The following SH2D1B variants were observed in gnomAD, a reference collection of about 807,000 sequenced individuals.
The protein encoded by SH2D1B is SH2 domain-containing protein 1B.
SH2D1B carries 11 observed loss-of-function variants against 16.3 expected under a neutral mutation model. The ratio of observed to expected loss-of-function variants is 0.67; its 90% CI spans 0.42 to 1.11. SH2D1B has a LOEUF of 1.11. Ranked by LOEUF, SH2D1B falls within the 50% of genes most tolerant of loss-of-function variation. The pLI, the probability that SH2D1B is intolerant of heterozygous loss-of-function variation, is 0.00. For synonymous variants in SH2D1B, 55 were observed against 56.1 expected, an observed-to-expected ratio of 0.98 and a Z score of 0.09; for missense variants, 123 against 153.1, an observed-to-expected ratio of 0.80 and a Z score of 1.04.
chr1:162,398,192 T>A (rs1427127662), intron 3 of SH2D1B, among the ~76,000 whole-genome samples: 1 of 152,186 alleles, frequency 6.6e-6, no homozygotes, highest in Non-Finnish European at 1.5e-5. Context: ...CTAGGGAGGA[T>A]ATCTGATCTC....
intron 1 of SH2D1B, among the ~76,000 whole-genome samples, chr1:162,403,504 AAAAAAAAATATAT>A (rs1243734810): frequency 1.9e-4 from 6 of 31,786 alleles, no homozygotes; most frequent in African/African-American, 9.5e-5. Context: ...AAAAAAAAAA[AAAAAAAAATATAT>A]ATATATATAT....
Position 162,412,048 on chromosome 1 carries a change from T to C in SH2D1B, c.-32A>G, listed in dbSNP as rs1648810584. 2 of 1,612,620 alleles carry C rather than the reference T, an allele frequency of 1.2e-6. No individual in the cohort carries two copies. The highest frequency in any genetic ancestry group is 1.7e-6 in the Non-Finnish European group (2 of 1,178,924). ...CGCTCTTGTATCCCAGGAAGCCCTG[T>C]TGGCCTGAAATTCACCCCCAAGTCA... On this transcript the variant is annotated 5_prime_UTR_variant, in exon 1 of 4. Transcript: ENST00000367929.
chr1:162,407,947 C>T (rs1214202371), intron 1 of SH2D1B, among the ~76,000 whole-genome samples: 1 of 152,220 alleles, frequency 6.6e-6, no homozygotes, highest in Admixed American at 6.5e-5. Flanking sequence ...GAAGGTTCCA[C>T]TTATTCTCCT....
chr1:162,398,792 T>A, intron 3 of SH2D1B, 131 bp downstream of exon 3: 1 of 1,112,526 alleles, frequency 9.0e-7, no homozygotes, highest in South Asian at 1.8e-5. Context: ...TGGAAATTGC[T>A]CTTAGTAGGA....
In SH2D1B at chr1:162,410,966, C is replaced by CT. The variant is rs1335449622; in HGVS notation, c.134+916dup. ...CCACTGTGCCCAGCCACTCTTTTTTCTTTTTTTTGGACAGAGTCTCACTCT... is the reference window on the plus strand; with the variant it reads ...CCACTGTGCCCAGCCACTCTTTTTTCTTTTTTTTTGGACAGAGTCTCACTCT... On this transcript the variant is annotated intron_variant, in intron 1 of 3. Coordinates refer to ENST00000367929, the MANE Select transcript of SH2D1B (RefSeq NM_053282.5). Among the ~76,000 whole-genome samples, 152 of 142,562 alleles carry CT rather than the reference C, an allele frequency of 1.1e-3. 1 individual carries two copies. The highest frequency in any genetic ancestry group is 2.9e-3 in the South Asian group (13 of 4,414). 93.5% of individuals were successfully genotyped at this position (142,562 alleles called of 152,430 possible).
intron 1 of SH2D1B, among the ~76,000 whole-genome samples, chr1:162,408,414 C>CTTTTTTTT (rs34627792): frequency 5.5e-5 from 7 of 128,188 alleles, no homozygotes; most frequent in South Asian, 5.1e-4. Context: ...TTTTTCTCTT[C>CTTTTTTTT]TTTTTTTTTT....
rs1648357754 is a variant in SH2D1B at position 162,395,686 on chromosome 1, G to C, written c.*1594C>G. On this transcript the variant is annotated 3_prime_UTR_variant, in exon 4 of 4. Transcript: ENST00000367929. ...GTAAACTAGTAGATCTAATGAGAGG[G>C]TTAACATTTCACCAACACCATATCC... 1 of 152,092 alleles carries C rather than the reference G, an allele frequency of 6.6e-6. No homozygotes were observed. The allele number at this position is 152,092 out of a possible 1,614,324, so 9.4% of individuals were successfully genotyped here.
At chr1:162,410,931 C>T (rs1462630217) in intron 1 of SH2D1B, among the ~76,000 whole-genome samples, 2 of 151,388 alleles carry the variant, frequency 1.3e-5, no homozygotes, top group African/African-American at 4.9e-5. Flanking sequence ...GCTGGGATTA[C>T]AGGAGTGAGC....
chr1:162,411,469 G>A (rs549746550), intron 1 of SH2D1B, among the ~76,000 whole-genome samples: 2 of 152,292 alleles, frequency 1.3e-5, no homozygotes, highest in African/African-American at 2.4e-5. Context: ...TATAGTTTAC[G>A]TATTGCAAGC....
intron 1 of SH2D1B, among the ~76,000 whole-genome samples, chr1:162,409,838 T>C (rs1159444061): frequency 1.3e-5 from 2 of 152,020 alleles, no homozygotes; most frequent in East Asian, 1.9e-4. Context: ...GCCTCCCAAA[T>C]TGCTAGGATT....
chr1:162,411,811 T>G, intron 1 of SH2D1B, 72 bp downstream of exon 1: 6 of 1,597,602 alleles, frequency 3.8e-6, no homozygotes, highest in Middle Eastern at 3.8e-4. Context: ...GGATATGAAT[T>G]CCTGTACTGT....
intron 2 of SH2D1B, among the ~76,000 whole-genome samples, chr1:162,402,049 T>C (rs557325119): frequency 6.6e-6 from 1 of 152,214 alleles, no homozygotes; most frequent in South Asian, 2.1e-4. Context: ...CGTACAACTA[T>C]TGGGCACACT....
intron 1 of SH2D1B, among the ~76,000 whole-genome samples, chr1:162,403,381 C>T (rs1648568638): frequency 1.4e-5 from 2 of 147,798 alleles, no homozygotes; most frequent in South Asian, 4.4e-4. Flanking sequence ...CCCAGCTACT[C>T]GAGAGGCTGA....
chr1:162,397,107 G>C lies in SH2D1B; in HGVS notation c.*173C>G. The C allele has an allele frequency of 1.6e-6, 1 of 629,892 alleles. No homozygotes were observed. Among genetic ancestry groups the C allele is most frequent in the Non-Finnish European group, 2.8e-6 (1 of 357,820 alleles). The allele number at this position is 629,892 out of a possible 1,614,324, so 39.0% of individuals were successfully genotyped here. A position where few individuals can be genotyped will look rare whatever the true frequency, so the allele number is the denominator to read the frequency against. The stretch of plus-strand genomic sequence containing the variant: ...CTCCTGGTATATGTCTGGGAGGCGG[G>C]GATGTGGAGAGTGACCTCTGGTGCT... On this transcript the variant is annotated 3_prime_UTR_variant, in exon 4 of 4. Transcript: ENST00000367929.
At position 162,397,221 on chromosome 1, in the gene SH2D1B, G is replaced by T. The variant is rs374254426; in HGVS notation, c.*59C>A. The stretch of plus-strand genomic sequence containing the variant: ...CTCTGGACCTATGCCTGCAGAAGTG[G>T]GTCATCAGTGAGAACTGTTACTCAT... On this transcript the variant is annotated 3_prime_UTR_variant, in exon 4 of 4. Coordinates refer to ENST00000367929, the MANE Select transcript of SH2D1B (RefSeq NM_053282.5). 1,559 of 1,584,080 alleles carry T rather than the reference G, an allele frequency of 9.8e-4. 1 individual carries two copies. Among genetic ancestry groups the T allele is most frequent in the Admixed American group, 1.4e-3 (84 of 59,930 alleles).
At position 162,395,458 on chromosome 1, in the gene SH2D1B, C is replaced by A. The variant is rs1648351993; in HGVS notation, c.*1822G>T. The A allele has an allele frequency of 1.3e-5, 2 of 152,130 alleles. No individual in the cohort carries two copies. The highest frequency in any genetic ancestry group is 2.9e-5 in the Non-Finnish European group (2 of 68,016). The allele number at this position is 152,130 out of a possible 1,614,324, so 9.4% of individuals were successfully genotyped here. A position where few individuals can be genotyped will look rare whatever the true frequency, so the allele number is the denominator to read the frequency against. ...CATAATGTTTAAATAAAGAAAATTT[C>A]TAAGCATTCCCTGTAATACTGGGAA... On this transcript the variant is annotated 3_prime_UTR_variant, in exon 4 of 4. Coordinates refer to ENST00000367929, the MANE Select transcript of SH2D1B (RefSeq NM_053282.5).
In SH2D1B at chr1:162,396,449, G is replaced by A. The variant is rs539963428; in HGVS notation, c.*831C>T. On this transcript the variant is annotated 3_prime_UTR_variant, in exon 4 of 4. Transcript: ENST00000367929. ...TCTACACACTGTGGAAGATACAAGG[G>A]AGACCCAACCGTGCTTTGATGGCAC... is the stretch of plus-strand genomic sequence containing the variant. 2 of 152,364 alleles carry A rather than the reference G, an allele frequency of 1.3e-5. No individual in the cohort carries two copies. Among genetic ancestry groups the A allele is most frequent in the South Asian group, 4.1e-4 (2 of 4,828 alleles). 9.4% of individuals were successfully genotyped at this position (152,364 alleles called of 1,614,324 possible).
chr1:162,407,599 T>G (rs938901494), intron 1 of SH2D1B, among the ~76,000 whole-genome samples: 5 of 152,218 alleles, frequency 3.3e-5, no homozygotes, highest in African/African-American at 1.2e-4. Context: ...TCATAGATAA[T>G]ACCTACATGG....
intron 3 of SH2D1B, 87 bp from the exon 4 acceptor site, chr1:162,397,402 C>A (rs1648404583): frequency 3.5e-6 from 5 of 1,440,768 alleles, no homozygotes; most frequent in Admixed American, 1.7e-5. Flanking sequence ...GGAAAGAAGA[C>A]CCCTCCCCAG....
Sources: allele counts gnomAD v4.1 joint callset (sites outside exome capture counted in the v4.1 genomes callset), GRCh38; gene constraint gnomAD v4.1.1; transcripts MANE v1.5; gene names NCBI Gene and HGNC (gene_info 2026-07-23, HGNC 2026-07-21).